Variants in NUP214 observed in about 807,000 individuals in gnomAD.
The protein encoded by NUP214 is nuclear pore complex protein Nup214.
Under a neutral mutation model 196.2 loss-of-function variants are expected in NUP214, and 79 were observed. That is an observed-to-expected ratio of 0.40 (90% CI 0.34 to 0.49). The LOEUF is 0.49. Among genes scored for constraint, NUP214 ranks in the 20% least tolerant of loss-of-function variants. The pLI is 0.58. For missense variants in NUP214, 2,468 were observed against 2,539.0 expected (o/e 0.97, Z 0.60); for synonymous variants, 1,020 against 990.5 (o/e 1.03, Z -0.56).
chr9:131,162,853 C>A, intron 18 of NUP214, 138 bp from the exon 19 acceptor site: 1 of 774,216 alleles, frequency 1.3e-6, no homozygotes, highest in Non-Finnish European at 2.1e-6. Context: ...CTAGTAATTT[C>A]TTAATGGTTC....
chr9:131,133,435 G>T (rs1325704912), intron 7 of NUP214, among the ~76,000 whole-genome samples: 1 of 151,422 alleles, frequency 6.6e-6, no homozygotes, highest in Admixed American at 6.6e-5. Flanking sequence ...CTTCTGAGTA[G>T]CTGGTACTAC....
chr9:131,226,467 T>C (rs756271329), intron 32 of NUP214, among the ~76,000 whole-genome samples: 1 of 152,166 alleles, frequency 6.6e-6, no homozygotes, highest in Non-Finnish European at 1.5e-5. Context: ...GTTTATTTTC[T>C]GTATCATCAT....
chr9:131,174,441 TTTTTTC>T, intron 22 of NUP214, 123 bp downstream of exon 22: 68 of 541,430 alleles, frequency 1.3e-4, no homozygotes, highest in Non-Finnish European at 1.6e-4. Context: ...ACTTTTTTTT[TTTTTTC>T]TTTTTTTCTT....
intron 7 of NUP214, 91 bp downstream of exon 7, chr9:131,133,300 TTG>T: frequency 4.0e-6 from 3 of 744,752 alleles, no homozygotes; most frequent in Admixed American, 3.5e-5. Context: ...TTTTTTGTGT[TTG>T]TGTTTTTTTT....
rs768090428 is a variant in NUP214, at chr9:131,144,262, CT to C, written c.1295-11del. 3.1e-6 allele frequency: 5 copies of C among 1,588,652 alleles called. No individual in the cohort carries two copies. The highest frequency in any genetic ancestry group is 1.1e-5 in the South Asian group (1 of 90,004). ...TGTTACAGTGTTAACATTTTCCTTC[CT>C]TTTTTTGTCACTGCAGGAAGTACTC... On this transcript the variant is annotated splice_polypyrimidine_tract_variant and intron_variant, in intron 11 of 35. Coordinates refer to ENST00000359428, the MANE Select transcript of NUP214 (RefSeq NM_005085.4).
At chr9:131,221,881 T>C (rs1834567148) in intron 31 of NUP214, among the ~76,000 whole-genome samples, 1 of 151,280 alleles carries the variant, frequency 6.6e-6, no homozygotes, top group African/African-American at 2.4e-5. Context: ...CTCTGACATA[T>C]CCTGTGCTAT....
chr9:131,170,923 A>G (rs1171487483), intron 21 of NUP214, among the ~76,000 whole-genome samples: 1 of 152,084 alleles, frequency 6.6e-6, no homozygotes, highest in African/African-American at 2.4e-5. Flanking sequence ...TCATCCTAAG[A>G]TGTGAGGTTT....
rs369276995 is a variant in NUP214, at chr9:131,127,713, A to G, written c.235A>G (p.Lys79Glu). The G allele has an allele frequency of 6.2e-6, 10 of 1,612,452 alleles. No homozygotes were observed. The highest frequency in any genetic ancestry group is 8.5e-6 in the Non-Finnish European group (10 of 1,178,780). ...AAATAAACCCGGAGATGATCCCAAC[A>G]AAATAGGTAAGTTCCCTGGTTTATG... ...IQNKPGDDPN[K>E]IVDKVQGLLV... The change falls in exon 2 of 36, where the codon AAA becomes GAA. Residue 79 changes from lysine to glutamate, a missense_variant. By Grantham distance (56) the Lys-to-Glu change is moderately conservative. This residue lies in a region of NUP214 where 392 missense variants were observed against 417.9 expected (regional missense o/e 0.94). Coordinates refer to ENST00000359428, the MANE Select transcript of NUP214 (RefSeq NM_005085.4).
At position 131,151,857 on chromosome 9, in the gene NUP214, A is replaced by G; in HGVS notation, c.2399A>G (p.Lys800Arg). Residue 800 changes from lysine (K) to arginine (R), a missense_variant, in exon 17 of 36, where the codon AAA becomes AGA. Lys to Arg is a conservative substitution (Grantham distance 26). This residue lies in a region of NUP214 where 1,801 missense variants were observed against 1,779.4 expected (regional missense o/e 1.01). Coordinates refer to ENST00000359428, the MANE Select transcript of NUP214 (RefSeq NM_005085.4). ...TCTGGTTATCTGCATTTGCTTTATA[A>G]AAGACCACTGGATCCCAAGAGTGAA... ...RDSGYLHLLY[K>R]RPLDPKSEAQ... is the part of the protein sequence containing the mutation. The G allele has an allele frequency of 1.2e-6, 2 of 1,613,174 alleles. No homozygotes were observed. Among genetic ancestry groups the G allele is most frequent in the East Asian group, 4.5e-5 (2 of 44,832 alleles).
intron 24 of NUP214, among the ~76,000 whole-genome samples, chr9:131,186,316 A>G (rs1292607128): frequency 6.6e-6 from 1 of 152,208 alleles, no homozygotes; most frequent in Non-Finnish European, 1.5e-5. Context: ...TTCTCTCTCA[A>G]TCTAATAAAG....
At chr9:131,212,260 G>T (rs2131074559) in intron 30 of NUP214, among the ~76,000 whole-genome samples, 1 of 152,300 alleles carries the variant, frequency 6.6e-6, no homozygotes, top group African/African-American at 2.4e-5. Context: ...GATAATGCAT[G>T]CCCAGTGGGA....
rs770327194 is a variant in NUP214, at chr9:131,129,472, C to T, written c.587C>T (p.Thr196Ile). 6.2e-7 allele frequency: 1 copy of T among 1,614,032 alleles called. No homozygotes were observed. The highest frequency in any genetic ancestry group is 1.7e-5 in the Admixed American group (1 of 60,018). The change falls in exon 4 of 36, where the codon ACC (threonine) becomes ATC (isoleucine). Residue 196 changes from threonine (T) to isoleucine (I), a missense_variant. Thr to Ile is a moderately conservative substitution (Grantham distance 89). Transcript: ENST00000359428. ...ACTCTTCCTTCCACGGTAGCAGTAA[C>T]CTCTGGTGAGTAATAAAGGCTTTCA... ...CATLPSTVAV[T>I]SVCWSPKGKQ...
Position 131,125,773 on chromosome 9 carries a change from C to T in NUP214, c.45+24C>T. 1 of 1,550,628 alleles carries T rather than the reference C, an allele frequency of 6.4e-7. No homozygotes were observed. Among genetic ancestry groups the T allele is most frequent in the Non-Finnish European group, 8.7e-7 (1 of 1,146,430 alleles). On this transcript the variant is annotated intron_variant, in intron 1 of 35. Transcript: ENST00000359428. This position sits in a 1 kb window ranked among gnomAD's most constrained non-coding sequence, Gnocchi z 4.1. The stretch of plus-strand genomic sequence containing the variant: ...AGGTCAGAGACTAACCGGGGCCTCC[C>T]TCCCTTCTTTAGTCCTGGCGTTGCC...
Position 131,198,329 on chromosome 9 carries a change from C to G in NUP214, c.4835C>G (p.Ser1612Ter). 6.2e-7 allele frequency: 1 copy of G among 1,614,210 alleles called. No individual in the cohort carries two copies. The highest frequency in any genetic ancestry group is 8.5e-7 in the Non-Finnish European group (1 of 1,180,034). The change falls in exon 29 of 36, where the codon TCA becomes TGA. Residue 1612 changes from serine (S) to a stop codon, truncating the protein, a stop_gained. Transcript: ENST00000359428. LOFTEE classifies it high-confidence loss of function. ...GCAGGCCCTGTGGCCGTCGAAACATCAAGTACCCCCATAGCCTCCAGCACC... is the reference window on the plus strand; with the variant it reads ...GCAGGCCCTGTGGCCGTCGAAACATGAAGTACCCCCATAGCCTCCAGCACC... Reference protein sequence around the residue: ...SSAGPVAVETSSTPIASSTTS... With the variant: ...SSAGPVAVET
intron 30 of NUP214, among the ~76,000 whole-genome samples, chr9:131,206,076 GC>G (rs1588166805): frequency 6.7e-6 from 1 of 149,324 alleles, no homozygotes; most frequent in African/African-American, 2.5e-5. Context: ...ACTAGAAGCA[GC>G]CCAAATGTTT....
chr9:131,162,643 G>A (rs893527515), intron 18 of NUP214, among the ~76,000 whole-genome samples: 2 of 151,872 alleles, frequency 1.3e-5, no homozygotes, highest in Non-Finnish European at 2.9e-5. Context: ...CAGAAAAACA[G>A]ATAAATTCTA....
chr9:131,231,188 CAT>C lies in NUP214; in HGVS notation c.6214+436_6214+437del, dbSNP rs35184563. 4.8e-3 allele frequency among the ~76,000 whole-genome samples: 712 copies of C among 147,490 alleles called. 8 individuals carry two copies. The highest frequency in any genetic ancestry group is 0.016 in the African/African-American group (627 of 39,600). On this transcript the variant is annotated intron_variant, in intron 34 of 35. Transcript: ENST00000359428. ...TGTAACATACTGAAAGTGGTTGAAA[CAT>C]ATATATATATATATATTTTTGAGAC...
chr9:131,214,938 C>T lies in NUP214; in HGVS notation c.5593-274C>T, dbSNP rs554278840. Among the ~76,000 whole-genome samples, 5 of 152,202 alleles carry T rather than the reference C, an allele frequency of 3.3e-5. No homozygotes were observed. The East Asian group carries it at 5.8e-4, about 18-fold the overall frequency. On this transcript the variant is annotated intron_variant, in intron 30 of 35. Coordinates refer to ENST00000359428, the MANE Select transcript of NUP214 (RefSeq NM_005085.4). ...CTGGCATTGTGTCAAACAGACACTG[C>T]GGGCAGTGTAGCAGATAAACATTAA...
intron 7 of NUP214, 144 bp downstream of exon 7, chr9:131,133,353 A>G (rs981774989): frequency 2.2e-5 from 12 of 535,964 alleles, no homozygotes; most frequent in Middle Eastern, 5.0e-4. Context: ...CGCCCAGGCT[A>G]GAGTGCAGTG....
Sources: gnomAD v4.1 joint callset for allele counts (sites outside exome capture counted in the v4.1 genomes callset) on GRCh38, gnomAD v4.1.1 for gene constraint, gnomAD v4.1.1 regional missense constraint, Gnocchi (gnomAD v3.1) non-coding constraint, MANE v1.5 for transcripts, NCBI Gene and HGNC (gene_info 2026-07-23, HGNC 2026-07-21) for gene names.